The following CDH1 variants were observed in gnomAD, a reference collection of about 807,000 sequenced individuals.
The protein encoded by CDH1 is cadherin-1.
CDH1 carries 35 observed loss-of-function variants against 84.5 expected under a neutral mutation model. The observed-to-expected ratio is 0.41, with a 90% CI of 0.32 to 0.55. The LOEUF is 0.55. Among genes scored for constraint, CDH1 ranks in the 20% least tolerant of loss-of-function variants. CDH1 has a pLI of 0.19. For missense variants in CDH1, 994 were observed against 1,126.6 expected (o/e 0.88, Z 1.68); for synonymous variants, 417 against 439.0 (o/e 0.95, Z 0.63).
At chr16:68,787,824 AAT>A (rs1491170209) in intron 2 of CDH1, among the ~76,000 whole-genome samples, 3 of 91,922 alleles carry the variant, frequency 3.3e-5, no homozygotes, top group Non-Finnish European at 7.2e-5. Context: ...ACGCCCGGCT[AAT>A]TTTTTTTTTT....
At chr16:68,780,122 T>C (rs2152121849) in intron 2 of CDH1, among the ~76,000 whole-genome samples, 1 of 152,172 alleles carries the variant, frequency 6.6e-6, no homozygotes, top group Non-Finnish European at 1.5e-5. Flanking sequence ...CTGCCTGAAA[T>C]GTCCTTCCAA....
intron 2 of CDH1, among the ~76,000 whole-genome samples, chr16:68,777,123 AT>A (rs1959754205): frequency 6.6e-6 from 1 of 152,184 alleles, no homozygotes; most frequent in Admixed American, 6.5e-5. Context: ...CCCCAGGTTC[AT>A]TTAGTGTGTG....
Position 68,782,831 on chromosome 16 carries a change from G to A in CDH1, c.164-18839G>A, listed in dbSNP as rs375696538. Among the ~76,000 whole-genome samples, 49 of 152,066 alleles carry A rather than the reference G, an allele frequency of 3.2e-4. 1 individual carries two copies. The highest frequency in any genetic ancestry group is 1.2e-3 in the African/African-American group (48 of 41,454). ...TCCCATCCTTGCCCCTCCGTCCCTG[G>A]ACCAGCTCCATGGGTCAGTGTTCCT... On this transcript the variant is annotated intron_variant, in intron 2 of 15. Transcript: ENST00000261769.
chr16:68,769,737 G>A (rs1380017014), intron 2 of CDH1, among the ~76,000 whole-genome samples: 2 of 151,610 alleles, frequency 1.3e-5, no homozygotes, highest in East Asian at 2.0e-4. Flanking sequence ...AGACCAGCCC[G>A]GGCAACATAG....
At chr16:68,805,960 G>C (rs1225451988) in intron 3 of CDH1, among the ~76,000 whole-genome samples, 1 of 151,662 alleles carries the variant, frequency 6.6e-6, no homozygotes, top group African/African-American at 2.4e-5. Flanking sequence ...TTTTGTTTTT[G>C]TTTTTGAGAC....
chr16:68,788,034 C>T (rs1335148530), intron 2 of CDH1, among the ~76,000 whole-genome samples: 1 of 152,028 alleles, frequency 6.6e-6, no homozygotes, highest in African/African-American at 2.4e-5. Context: ...ACCATGTTGG[C>T]CAGGCCTGTC....
At chr16:68,802,148 A>C (rs1268456009) in intron 3 of CDH1, among the ~76,000 whole-genome samples, 2 of 152,238 alleles carry the variant, frequency 1.3e-5, no homozygotes, top group Non-Finnish European at 2.9e-5. Flanking sequence ...AATCAGCCCA[A>C]GTTGAGGGCT....
chr16:68,834,814 A>G lies in CDH1; in HGVS notation c.*1315A>G. ...TACTCCAGGACTTAGAATAGTGCCT[A>G]AAGTGCTGCAGCCAAAGACAGAGCG... On this transcript the variant is annotated 3_prime_UTR_variant, in exon 16 of 16. Coordinates refer to ENST00000261769, the MANE Select transcript of CDH1 (RefSeq NM_004360.5). 1 of 232,466 alleles carries G rather than the reference A, an allele frequency of 4.3e-6. No individual in the cohort carries two copies. Among genetic ancestry groups the G allele is most frequent in the Non-Finnish European group, 8.5e-6 (1 of 117,208 alleles). 14.4% of individuals were successfully genotyped at this position (232,466 alleles called of 1,614,324 possible).
rs2152133315 is a variant in CDH1, at chr16:68,813,325, G to A, written c.1150G>A (p.Val384Met). The A allele has an allele frequency of 6.2e-7, 1 of 1,614,154 alleles. No individual in the cohort carries two copies. The highest frequency in any genetic ancestry group is 8.5e-7 in the Non-Finnish European group (1 of 1,180,030). Residue 384 changes from valine to methionine, a missense_variant, in exon 9 of 16, where the codon GTG (valine) becomes ATG (methionine). By Grantham distance (21) the Val-to-Met change is conservative (BLOSUM62 1). Transcript: ENST00000261769. ...IFNPTTYKGQ[V>M]PENEANVVIT... ...CTTTGCTCTGCAGTACAAGGGTCAG[G>A]TGCCTGAGAACGAGGCTAACGTCGT... is the stretch of plus-strand genomic sequence containing the variant.
At chr16:68,802,338 T>A (rs1278774286) in intron 3 of CDH1, among the ~76,000 whole-genome samples, 1 of 152,184 alleles carries the variant, frequency 6.6e-6, no homozygotes, top group Non-Finnish European at 1.5e-5. Context: ...ATCTGTAAAA[T>A]GGAGATAACA....
At chr16:68,757,798 C>T (rs768331880) in intron 2 of CDH1, among the ~76,000 whole-genome samples, 46 of 148,662 alleles carry the variant, frequency 3.1e-4, no homozygotes, top group African/African-American at 7.7e-4. Flanking sequence ...TCCTTTCTTT[C>T]TTTCTTTTTT....
intron 2 of CDH1, among the ~76,000 whole-genome samples, chr16:68,791,354 A>G (rs1960203530): frequency 6.6e-6 from 1 of 152,194 alleles, no homozygotes; most frequent in Non-Finnish European, 1.5e-5. Flanking sequence ...TGCCTGTCAC[A>G]TAAAGCCCTT....
At chr16:68,739,047 A>G (rs1207318009) in intron 2 of CDH1, among the ~76,000 whole-genome samples, 2 of 139,334 alleles carry the variant, frequency 1.4e-5, no homozygotes, top group Admixed American at 8.3e-5. Flanking sequence ...CTCTGGGCTC[A>G]AGTGATCCTT....
chr16:68,781,350 C>T (rs2152122015), intron 2 of CDH1, among the ~76,000 whole-genome samples: 1 of 152,210 alleles, frequency 6.6e-6, no homozygotes. Context: ...CTTTTTCCTT[C>T]CTTTTTAGAG....
intron 13 of CDH1, among the ~76,000 whole-genome samples, chr16:68,824,785 C>G (rs1356719245): frequency 6.6e-5 from 10 of 152,198 alleles, no homozygotes; most frequent in Non-Finnish European, 1.5e-4. Context: ...ATCATTTACA[C>G]ACAGGGAGAA....
At chr16:68,824,483 G>T (rs185130922) in intron 13 of CDH1, among the ~76,000 whole-genome samples, 1 of 152,176 alleles carries the variant, frequency 6.6e-6, no homozygotes, top group East Asian at 1.9e-4. Flanking sequence ...GAGGCCAAAC[G>T]ACTGGAAGTT....
At position 68,801,893 on chromosome 16, in the gene CDH1, G is replaced by T. The variant is rs764700595; in HGVS notation, c.387G>T (p.Gln129His). ...ACCACCACCGCCCCCCGCCCCATCA[G>T]GTATGTTGGCATTTTTCTGAGAAGT... is the stretch of plus-strand genomic sequence containing the variant. The part of the protein sequence containing the change: ...VGHHHRPPPH[Q>H]ASVSGIQAEL... Residue 129 changes from glutamine (Q) to histidine (H), a missense_variant and splice_region_variant, in exon 3 of 16, where the codon CAG becomes CAT. Coordinates refer to ENST00000261769, the MANE Select transcript of CDH1 (RefSeq NM_004360.5). 12 of 1,612,692 alleles carry T rather than the reference G, an allele frequency of 7.4e-6. No individual in the cohort carries two copies. The South Asian group carries it at 1.2e-4, about 16-fold the overall frequency.
intron 2 of CDH1, among the ~76,000 whole-genome samples, chr16:68,786,008 T>C (rs1960035105): frequency 2.0e-5 from 3 of 152,212 alleles, no homozygotes; most frequent in African/African-American, 7.2e-5. Context: ...GAACCACTGC[T>C]GGAACAGGTG....
At chr16:68,811,621 G>A (rs2152131796) in intron 6 of CDH1, 63 bp from the exon 7 acceptor site, 1 of 1,418,584 alleles carries the variant, frequency 7.0e-7, no homozygotes, top group Non-Finnish European at 9.9e-7. Context: ...ATTGGATTAA[G>A]CAGTATTGAC....
Sources: gnomAD v4.1 joint callset for allele counts (sites outside exome capture counted in the v4.1 genomes callset) on GRCh38, gnomAD v4.1.1 for gene constraint, MANE v1.5 for transcripts, NCBI Gene and HGNC (gene_info 2026-07-23, HGNC 2026-07-21) for gene names.